Variants in FLG observed in about 807,000 individuals in gnomAD.
FLG encodes filaggrin.
Under a neutral mutation model 3.8 loss-of-function variants are expected in FLG, and 6 were observed. That is an observed-to-expected ratio of 1.60 (90% CI 0.87 to 3.15). The LOEUF is 3.15. Among genes scored for constraint, FLG ranks in the 30% most tolerant of loss-of-function variants. The pLI, the probability that FLG is intolerant of heterozygous loss-of-function variation, is 0.00. For missense variants in FLG, 7,595 were observed against 5,050.9 expected (o/e 1.50, Z -15.27); for synonymous variants, 2,551 against 1,931.6 (o/e 1.32, Z -8.41).
chr1:152,313,203 C>G lies in FLG; in HGVS notation c.1683G>C (p.Gln561His), dbSNP rs138336230. The change falls in exon 3 of 3, where the codon CAG becomes CAC. Residue 561 changes from glutamine to histidine, a missense_variant. Coordinates refer to ENST00000368799, the MANE Select transcript of FLG (RefSeq NM_002016.2). ...SQGRSDASHG[Q>H]SGSRSASRQT... is the part of the protein sequence containing the mutation. ...GTCTGCTTGCACTTCTGGATCCTGA[C>G]TGCCCATGGGAGGCATCAGACCTTC... The G allele has an allele frequency of 3.7e-4, 592 of 1,613,878 alleles. 9 individuals carry two copies. In the South Asian group the frequency reaches 5.5e-3, roughly 15 times the overall value.
chr1:152,315,936 A>G (rs1214310918), intron 1 of FLG, among the ~76,000 whole-genome samples: 1 of 152,228 alleles, frequency 6.6e-6, no homozygotes, highest in Admixed American at 6.5e-5. Flanking sequence ...AAGATACTCA[A>G]TGAAAGTTCA....
In FLG at chr1:152,313,067, G is replaced by C. The variant is rs113473008; in HGVS notation, c.1819C>G (p.Gln607Glu). 3.7e-4 allele frequency: 602 copies of C among 1,613,962 alleles called. 9 individuals are homozygous for C. In the African/African-American group the frequency reaches 5.8e-3, roughly 15 times the overall value. The change falls in exon 3 of 3, where the codon CAA becomes GAA. Residue 607 changes from glutamine (Q) to glutamate (E), a missense_variant. Gln to Glu is a conservative substitution (Grantham distance 29, BLOSUM62 2). Transcript: ENST00000368799. ...SSRHSQVGQG[Q>E]SSGPRTSRNQ... ...CTACTTGTCCTGGGCCCCGATGATT[G>C]TCCCTGGCCCACCTGTGAGTGTCTA...
chr1:152,312,485 T>C lies in FLG; in HGVS notation c.2401A>G (p.Lys801Glu), dbSNP rs147472105. The change falls in exon 3 of 3, where the codon AAA becomes GAA. Residue 801 changes from lysine to glutamate, a missense_variant. Transcript: ENST00000368799. ...GSFLYQVSTHKQSESSHGWTG... is the reference protein window; with the variant it reads ...GSFLYQVSTHEQSESSHGWTG... Reference sequence around the variant, plus strand: ...CATCCATGGGAGGACTCAGACTGTTTATGAGTGCTCACCTGGTAGAGGAAA... The same window carrying C: ...CATCCATGGGAGGACTCAGACTGTTCATGAGTGCTCACCTGGTAGAGGAAA... 951 of 1,612,992 alleles carry C rather than the reference T, an allele frequency of 5.9e-4. No homozygotes were observed. The highest frequency in any genetic ancestry group is 2.5e-3 in the Middle Eastern group (15 of 6,058).
Position 152,308,308 on chromosome 1 carries a change from G to A in FLG, c.6578C>T (p.Thr2193Ile), listed in dbSNP as rs1315901609. Residue 2193 changes from threonine to isoleucine, a missense_variant, in exon 3 of 3, where the codon ACA (threonine) becomes ATA (isoleucine). Coordinates refer to ENST00000368799, the MANE Select transcript of FLG (RefSeq NM_002016.2). The stretch of plus-strand genomic sequence containing the variant: ...ATCTCCTGATTGTTCCTTGTCATAT[G>A]TTTTTCTGCTTGCACTTCTGGATCC... ...QSGSRSASRK[T>I]YDKEQSGDGS... 2 of 1,613,574 alleles carry A rather than the reference G, an allele frequency of 1.2e-6. No individual in the cohort carries two copies. Among genetic ancestry groups the A allele is most frequent in the Admixed American group, 1.7e-5 (1 of 59,948 alleles).
chr1:152,310,809 G>T lies in FLG; in HGVS notation c.4077C>A (p.Ser1359=). 6.2e-7 allele frequency: 1 copy of T among 1,611,926 alleles called. No homozygotes were observed. The highest frequency in any genetic ancestry group is 8.5e-7 in the Non-Finnish European group (1 of 1,179,102). The change falls in exon 3 of 3, where the codon TCC becomes TCA. Residue 1359 remains serine (S), a synonymous_variant. Coordinates refer to ENST00000368799, the MANE Select transcript of FLG (RefSeq NM_002016.2). ...ARSSPGERHG[S]RHQQSADSSR... is the part of the protein sequence containing the mutation. ...AGCTGTCTGCTGACTGCTGGTGGCG[G>T]GATCCATGTCTTTCTCCTGGACTTG...
chr1:152,312,010 G>C lies in FLG; in HGVS notation c.2876C>G (p.Ser959Cys), dbSNP rs1322248324. Residue 959 changes from serine to cysteine, a missense_variant, in exon 3 of 3, where the codon TCT becomes TGT. By Grantham distance (112) the Ser-to-Cys change is moderately radical. Transcript: ENST00000368799. ...GGAAGCAGACCCAGACCACCTCTCA[G>C]AGTCTTCTGAATGTCCCTCACTGTC... Reference protein sequence around the residue: ...DSDSEGHSEDSERWSGSASRN... With the variant: ...DSDSEGHSEDCERWSGSASRN... The C allele has an allele frequency of 6.2e-7, 1 of 1,614,088 alleles. No homozygotes were observed. The highest frequency in any genetic ancestry group is 1.7e-5 in the Admixed American group (1 of 60,022).
intron 1 of FLG, among the ~76,000 whole-genome samples, chr1:152,324,852 A>G (rs1410770375): frequency 6.6e-6 from 1 of 151,786 alleles, no homozygotes; most frequent in Admixed American, 6.6e-5. Context: ...TTGTTTACTA[A>G]ATGTTTCCCC....
rs1467251068 is a variant in FLG, at chr1:152,314,507, T to C, written c.379A>G (p.Ser127Gly). Residue 127 changes from serine (S) to glycine (G), a missense_variant, in exon 3 of 3, where the codon AGT (serine) becomes GGT (glycine). Transcript: ENST00000368799. ...TTTCTATTGTTTCTTCTTTCCAGAC[T>C]TGAGGGTCTTTTTCTGTTTTCTTTG... ...ENKENRKRPS[S>G]LERRNNRKGN... 1.2e-6 allele frequency: 2 copies of C among 1,613,870 alleles called. No individual in the cohort carries two copies. Among genetic ancestry groups the C allele is most frequent in the South Asian group, 1.1e-5 (1 of 91,066 alleles).
Position 152,315,351 on chromosome 1 carries a change from G to T in FLG, c.106C>A (p.Leu36Ile). The change falls in exon 2 of 3, where the codon CTT becomes ATT. Residue 36 changes from leucine (L) to isoleucine (I), a missense_variant. Transcript: ENST00000368799. Reference protein sequence around the residue: ...DTLSKKELKELLEKEFRQILK... With the variant: ...DTLSKKELKEILEKEFRQILK... ...ATTTGCCGAAATTCCTTTTCCAGAA[G>T]TTCCTTCAGCTCTTTTTTACTCAAT... 1 of 1,613,352 alleles carries T rather than the reference G, an allele frequency of 6.2e-7. No homozygotes were observed. The highest frequency in any genetic ancestry group is 1.7e-4 in the Middle Eastern group (1 of 6,058).
At position 152,309,137 on chromosome 1, in the gene FLG, T is replaced by G; in HGVS notation, c.5749A>C (p.Ser1917Arg). ...GPRTSRNQGS[S>R]VSQDSDSQGH... ...TGACTGTCACTGTCCTGGCTAACACTGGATCCCTGGTTCCTGCTTGTCCTG... is the reference window on the plus strand; with the variant it reads ...TGACTGTCACTGTCCTGGCTAACACGGGATCCCTGGTTCCTGCTTGTCCTG... The change falls in exon 3 of 3, where the codon AGT becomes CGT. Residue 1917 changes from serine to arginine, a missense_variant. Physicochemically the swap from Ser to Arg is moderately radical, Grantham distance 110 (BLOSUM62 -1). Coordinates refer to ENST00000368799, the MANE Select transcript of FLG (RefSeq NM_002016.2). 1 of 1,613,756 alleles carries G rather than the reference T, an allele frequency of 6.2e-7. No homozygotes were observed. The highest frequency in any genetic ancestry group is 8.5e-7 in the Non-Finnish European group (1 of 1,179,704).
In FLG at chr1:152,310,124, T is replaced by C; in HGVS notation, c.4762A>G (p.Arg1588Gly). 1 of 1,613,906 alleles carries C rather than the reference T, an allele frequency of 6.2e-7. No individual in the cohort carries two copies. The highest frequency in any genetic ancestry group is 8.5e-7 in the Non-Finnish European group (1 of 1,179,952). The change falls in exon 3 of 3, where the codon AGG (arginine) becomes GGG (glycine). Residue 1588 changes from arginine to glycine, a missense_variant. Coordinates refer to ENST00000368799, the MANE Select transcript of FLG (RefSeq NM_002016.2). Reference protein sequence around the residue: ...QGESAGSKTSRRQGSSVSQDR... With the variant: ...QGESAGSKTSGRQGSSVSQDR... ...TGACTAACACTGGATCCCTGGCGCC[T>C]GCTTGTCTTGGACCCCGCTGATTCT... is the stretch of plus-strand genomic sequence containing the variant.
In FLG at chr1:152,314,376, T is replaced by G. The variant is rs1392112647; in HGVS notation, c.510A>C (p.Glu170Asp). ...ERKGYSPTHR[E>D]EEYGKNHHNS... is the part of the protein sequence containing the mutation. ...TATGATGGTTTTTTCCATATTCTTCTTCTCTATGAGTAGGTGAATATCCTT... is the reference window on the plus strand; with the variant it reads ...TATGATGGTTTTTTCCATATTCTTCGTCTCTATGAGTAGGTGAATATCCTT... Residue 170 changes from glutamate (E) to aspartate (D), a missense_variant, in exon 3 of 3, where the codon GAA becomes GAC. By Grantham distance (45) the Glu-to-Asp change is conservative. Transcript: ENST00000368799. 4 of 1,613,096 alleles carry G rather than the reference T, an allele frequency of 2.5e-6. No individual in the cohort carries two copies. Among genetic ancestry groups the G allele is most frequent in the Non-Finnish European group, 3.4e-6 (4 of 1,179,706 alleles).
chr1:152,305,119 G>C lies in FLG; in HGVS notation c.9767C>G (p.Ser3256Cys), dbSNP rs1651870050. ...GTGACCGGCTCTGTCTTCGTGATGG[G>C]ACCTGGGGTGTCTGGAGCCGTGCCT... ...QSRHGSRHPR[S>C]HHEDRAGHGH... The change falls in exon 3 of 3, where the codon TCC becomes TGC. Residue 3256 changes from serine (S) to cysteine (C), a missense_variant. Transcript: ENST00000368799. The C allele has an allele frequency of 6.2e-7, 1 of 1,613,940 alleles. No individual in the cohort carries two copies.
rs201066653 is a variant in FLG, at chr1:152,314,577, C to A, written c.309G>T (p.Lys103Asn). 1 of 1,613,702 alleles carries A rather than the reference C, an allele frequency of 6.2e-7. No homozygotes were observed. The highest frequency in any genetic ancestry group is 8.5e-7 in the Non-Finnish European group (1 of 1,179,912). The change falls in exon 3 of 3, where the codon AAG (lysine) becomes AAT (asparagine). Residue 103 changes from lysine (K) to asparagine (N), a missense_variant. Transcript: ENST00000368799. ...CTTCATGTTTATCATGATGACTGTG[C>A]TTTCTGTGCTTGTGTCCTGATATCG... ...NLPISGHKHR[K>N]HSHHDKHEDN...
chr1:152,324,660 GT>G lies in FLG; in HGVS notation c.-22+528del, dbSNP rs543266246. On this transcript the variant is annotated intron_variant, in intron 1 of 2. Coordinates refer to ENST00000368799, the MANE Select transcript of FLG (RefSeq NM_002016.2). ...TGTAAACTTTCTTAAAACATTACGA[GT>G]TTTTTTTTAAGCTTATCAGCTATTA... Among the ~76,000 whole-genome samples, 148 of 151,050 alleles carry G rather than the reference GT, an allele frequency of 9.8e-4. 2 individuals carry two copies. The South Asian group carries it at 0.027, about 27-fold the overall frequency.
At position 152,314,725 on chromosome 1, in the gene FLG, A is replaced by G. The variant is rs1351899004; in HGVS notation, c.161T>C (p.Val54Ala). The stretch of plus-strand genomic sequence containing the variant: ...ATCCAAGTGATCCATGAAGACATCA[A>G]CCATATCTGGGTCATCTGGATTCTG... ...ILKNPDDPDM[V>A]DVFMDHLDID... The change falls in exon 3 of 3, where the codon GTT becomes GCT. Residue 54 changes from valine (V) to alanine (A), a missense_variant. By Grantham distance (64) the Val-to-Ala change is moderately conservative (BLOSUM62 0). Coordinates refer to ENST00000368799, the MANE Select transcript of FLG (RefSeq NM_002016.2). 4 of 1,613,838 alleles carry G rather than the reference A, an allele frequency of 2.5e-6. No homozygotes were observed. In the African/African-American group the frequency reaches 5.3e-5, roughly 22 times the overall value.
chr1:152,307,534 C>T lies in FLG; in HGVS notation c.7352G>A (p.Arg2451Lys), dbSNP rs777213276. The change falls in exon 3 of 3, where the codon AGG becomes AAG. Residue 2451 changes from arginine to lysine, a missense_variant. Transcript: ENST00000368799. ...SHHKQARDSS[R>K]HSTSQEGQDT... is the part of the protein sequence containing the mutation. ...CTGACCCTCTTGGGACGTTGAGTGC[C>T]TGGAGCTGTCTCGTGCCTGCTTGTG... 1.9e-6 allele frequency: 3 copies of T among 1,613,800 alleles called. No homozygotes were observed. Among genetic ancestry groups the T allele is most frequent in the South Asian group, 2.2e-5 (2 of 91,062 alleles).
chr1:152,313,096 C>A lies in FLG; in HGVS notation c.1790G>T (p.Ser597Ile), dbSNP rs766406566. The change falls in exon 3 of 3, where the codon AGC (serine) becomes ATC (isoleucine). Residue 597 changes from serine to isoleucine, a missense_variant. Transcript: ENST00000368799. ...CTGGCCCACCTGTGAGTGTCTAGAGCTGTCAGCCTGAGAGGAAGCTTCATG... is the reference window on the plus strand; with the variant it reads ...CTGGCCCACCTGTGAGTGTCTAGAGATGTCAGCCTGAGAGGAAGCTTCATG... ...RHHEASSQAD[S>I]SRHSQVGQGQ... The A allele has an allele frequency of 2.5e-5, 41 of 1,613,802 alleles. No individual in the cohort carries two copies. The highest frequency in any genetic ancestry group is 2.8e-5 in the Non-Finnish European group (33 of 1,180,014).
intron 1 of FLG, among the ~76,000 whole-genome samples, chr1:152,321,932 T>C (rs1652992885): frequency 1.3e-5 from 2 of 151,116 alleles, no homozygotes; most frequent in Admixed American, 1.3e-4. Flanking sequence ...CAGTAGTATA[T>C]AAAAAGAATA....
Sources: gnomAD v4.1 joint callset for allele counts (sites outside exome capture counted in the v4.1 genomes callset) on GRCh38, gnomAD v4.1.1 for gene constraint, MANE v1.5 for transcripts, NCBI Gene and HGNC (gene_info 2026-07-23, HGNC 2026-07-21) for gene names.